The following FBN3 variants were observed in gnomAD, a reference collection of about 807,000 sequenced individuals.
The protein encoded by FBN3 is fibrillin 3, also known as fibrillin-3.
In FBN3, 234 loss-of-function variants were observed where a neutral mutation model predicts 330.1. The observed-to-expected ratio is 0.71, with a 90% confidence interval of 0.64 to 0.79. The LOEUF (loss-of-function observed/expected upper bound fraction) is 0.79, where lower values mean the gene tolerates loss of function less well. FBN3 is among the 30% of genes least tolerant of loss of function. The pLI is 0.00. For missense variants in FBN3, 3,606 were observed against 3,886.9 expected (o/e 0.93, Z 1.92); for synonymous variants, 1,458 against 1,517.3 (o/e 0.96, Z 0.91).
At chr19:8,085,123 T>C (rs1452477749) in intron 56 of FBN3, among the ~76,000 whole-genome samples, 1 of 151,572 alleles carries the variant, frequency 6.6e-6, no homozygotes, top group Non-Finnish European at 1.5e-5. Context: ...TCAGAACACA[T>C]ACACACACAT....
At position 8,091,578 on chromosome 19, in the gene FBN3, CA is replaced by C; in HGVS notation, c.5917del (p.Cys1973AlafsTer113). 6.2e-7 allele frequency: 1 copy of C among 1,614,006 alleles called. No homozygotes were observed. Among genetic ancestry groups the C allele is most frequent in the Non-Finnish European group, 8.5e-7 (1 of 1,179,936 alleles). On this transcript the variant is annotated frameshift_variant, in exon 48 of 64. Coordinates refer to ENST00000600128, the MANE Select transcript of FBN3 (RefSeq NM_032447.5). LOFTEE classifies it high-confidence loss of function. Reference protein sequence around the residue: ...QSDHCIDIDECSEEPNLCLFG... With the variant: ...QSDHCIDIDEXSEEPNLCLFG... ...GAGGCAGAGGTTGGGCTCCTCTGAGCACTCGTCGATATCTGGAAGGGCAGGG... is the reference window on the plus strand; with the variant it reads ...GAGGCAGAGGTTGGGCTCCTCTGAGCCTCGTCGATATCTGGAAGGGCAGGG...
intron 63 of FBN3, among the ~76,000 whole-genome samples, chr19:8,067,980 C>A (rs547748220): frequency 5.9e-5 from 9 of 152,046 alleles, no homozygotes; most frequent in Non-Finnish European, 1.2e-4. Context: ...GGGAGGATCC[C>A]TTGAGCCTGG....
In FBN3 at chr19:8,125,877, C is replaced by G; in HGVS notation, c.2731+15G>C. The G allele has an allele frequency of 6.3e-7, 1 of 1,598,018 alleles. No homozygotes were observed. Among genetic ancestry groups the G allele is most frequent in the South Asian group, 1.1e-5 (1 of 88,934 alleles). On this transcript the variant is annotated intron_variant, in intron 22 of 63. Coordinates refer to ENST00000600128, the MANE Select transcript of FBN3 (RefSeq NM_032447.5). ...AGAACGTGTGGCCCTGTATGCGGACCTCGCCTGGACTCACCCACGCACAGC... is the reference window on the plus strand; with the variant it reads ...AGAACGTGTGGCCCTGTATGCGGACGTCGCCTGGACTCACCCACGCACAGC...
chr19:8,129,148 C>A lies in FBN3; in HGVS notation c.2176G>T (p.Asp726Tyr). Residue 726 changes from aspartate to tyrosine, a missense_variant, in exon 18 of 64, where the codon GAT (aspartate) becomes TAT (tyrosine). Coordinates refer to ENST00000600128, the MANE Select transcript of FBN3 (RefSeq NM_032447.5). This position sits in a 1 kb window ranked among gnomAD's most constrained non-coding sequence, Gnocchi z 4.5. ...AGGAGGCTGTTGAGGGCACACTCAT[C>A]CACGTCTGTGGGGTGGGGGTGGGAG... ...GASGKDCTDV[D>Y]ECALNSLLCD... The A allele has an allele frequency of 6.2e-7, 1 of 1,612,976 alleles. No homozygotes were observed. The highest frequency in any genetic ancestry group is 8.5e-7 in the Non-Finnish European group (1 of 1,179,808).
intron 41 of FBN3, 84 bp from the exon 42 acceptor site, chr19:8,097,498 A>G: frequency 6.9e-7 from 1 of 1,451,194 alleles, no homozygotes; most frequent in Admixed American, 2.1e-5. Context: ...CTAGCCCTGC[A>G]ATCTGGTTGA....
rs767718089 is a variant in FBN3, at chr19:8,145,869, C to A, written c.419G>T (p.Gly140Val). Residue 140 changes from glycine to valine, a missense_variant, in exon 5 of 64, where the codon GGC becomes GTC. Transcript: ENST00000600128. ...CTGCCCACACACGGTGCCTGTGTAGCCCTTCTGACACAGACAGGACGCCCC... is the reference window on the plus strand; with the variant it reads ...CTGCCCACACACGGTGCCTGTGTAGACCTTCTGACACAGACAGGACGCCCC... ...CRGASCLCQKGYTGTVCGQPI... is the reference protein window; with the variant it reads ...CRGASCLCQKVYTGTVCGQPI... 2.8e-5 allele frequency: 43 copies of A among 1,551,136 alleles called. No homozygotes were observed. The highest frequency in any genetic ancestry group is 3.6e-5 in the Non-Finnish European group (41 of 1,146,960).
At chr19:8,140,293 G>A (rs943649295) in intron 8 of FBN3, among the ~76,000 whole-genome samples, 34 of 152,082 alleles carry the variant, frequency 2.2e-4, no homozygotes, top group African/African-American at 8.2e-4. Flanking sequence ...GTGAAACCCC[G>A]TCTCTACTAA....
At chr19:8,112,649 C>G (rs2082617115) in intron 30 of FBN3, among the ~76,000 whole-genome samples, 1 of 151,780 alleles carries the variant, frequency 6.6e-6, no homozygotes, top group Admixed American at 6.6e-5. Flanking sequence ...GACTCCGTCT[C>G]AAAAAAATAA....
intron 41 of FBN3, among the ~76,000 whole-genome samples, chr19:8,098,341 C>G (rs1186746597): frequency 1.3e-5 from 2 of 150,844 alleles, no homozygotes; most frequent in Admixed American, 1.3e-4. Flanking sequence ...AGGAAACAAC[C>G]TAAGTGTCAA....
At chr19:8,075,007 T>TA in intron 61 of FBN3, 64 bp downstream of exon 61, 1 of 1,542,620 alleles carries the variant, frequency 6.5e-7, no homozygotes, top group South Asian at 1.2e-5. Flanking sequence ...TGGCGTCTGT[T>TA]AGTCGCCTGC....
At chr19:8,076,479 T>C (rs4804260) in intron 59 of FBN3, among the ~76,000 whole-genome samples, 21,228 of 151,892 alleles carry the variant, frequency 0.14, 1,765 homozygotes, top group Non-Finnish European at 0.19. Flanking sequence ...CTACTAAAAA[T>C]ACAAAACAAT....
chr19:8,124,539 AT>A (rs55867844), intron 22 of FBN3, among the ~76,000 whole-genome samples: 13,652 of 132,168 alleles, frequency 0.1, 618 homozygotes, highest in Middle Eastern at 0.15. Flanking sequence ...TGCCTGGCCA[AT>A]TTTTTTTTTT....
At chr19:8,123,676 C>T in intron 23 of FBN3, 87 bp from the exon 24 acceptor site, 1 of 1,598,084 alleles carries the variant, frequency 6.3e-7, no homozygotes, top group Non-Finnish European at 8.6e-7. Context: ...AGTGCCTCGC[C>T]TTACCCACAT....
At chr19:8,135,875 G>T (rs6603148) in intron 13 of FBN3, 86 bp downstream of exon 13, 1,328,392 of 1,451,830 alleles carry the variant, frequency 0.91, 608,708 homozygotes, top group African/African-American at 0.96. Context: ...AGGTGGGTTT[G>T]GGGGCACAGT....
intron 8 of FBN3, among the ~76,000 whole-genome samples, chr19:8,141,194 C>CAAAAAAAA (rs56060033): frequency 3.1e-4 from 17 of 54,352 alleles, no homozygotes; most frequent in African/African-American, 1.3e-3. Flanking sequence ...GACTCCGTCT[C>CAAAAAAAA]AAAAAAAAAA....
chr19:8,066,552 C>G (rs546806010), intron 63 of FBN3, among the ~76,000 whole-genome samples: 67 of 152,212 alleles, frequency 4.4e-4, no homozygotes, highest in African/African-American at 1.6e-3. Context: ...AGCACAGACA[C>G]TAGGACTACT....
rs755636390 is a variant in FBN3 at position 8,072,069 on chromosome 19, G to T, written c.8067C>A (p.Arg2689=). ...NGLSPRDRPR[R]SAHRDHQVNL... is the part of the protein sequence containing the mutation. ...TCACCTGGTGGTCCCTGTGGGCACT[G>T]CGTCGTGGCCGGTCCCGAGGGGAGA... Residue 2689 remains arginine (R), a synonymous_variant, in exon 63 of 64, where the codon CGC becomes CGA. Coordinates refer to ENST00000600128, the MANE Select transcript of FBN3 (RefSeq NM_032447.5). The T allele has an allele frequency of 6.2e-7, 1 of 1,612,476 alleles. No homozygotes were observed. The highest frequency in any genetic ancestry group is 1.1e-5 in the South Asian group (1 of 91,058).
chr19:8,103,684 A>G lies in FBN3; in HGVS notation c.4817T>C (p.Ile1606Thr), dbSNP rs142068873. 1.5e-5 allele frequency: 24 copies of G among 1,613,058 alleles called. No homozygotes were observed. The highest frequency in any genetic ancestry group is 1.9e-5 in the Non-Finnish European group (22 of 1,179,348). The change falls in exon 39 of 64, where the codon ATT becomes ACT. Residue 1606 changes from isoleucine (I) to threonine (T), a missense_variant. Transcript: ENST00000600128. ...LSEHTRICED[I>T]DECSTHSGIC... is the part of the protein sequence containing the mutation. ...GCCGGAGTGTGTGGAGCATTCGTCA[A>G]TATCTGCAGGGAAAGAAGGGGTGGA...
Position 8,109,782 on chromosome 19 carries a change from G to A in FBN3, c.4334-29C>T. The A allele has an allele frequency of 1.4e-6, 2 of 1,435,534 alleles. No individual in the cohort carries two copies. The highest frequency in any genetic ancestry group is 5.2e-5 in the East Asian group (2 of 38,526). The allele number at this position is 1,435,534 out of a possible 1,614,324, so 88.9% of individuals were successfully genotyped here. On this transcript the variant is annotated intron_variant, in intron 34 of 63. Transcript: ENST00000600128. The surrounding 1 kb of genome is among the most constrained non-coding windows in gnomAD (Gnocchi z 5.2). ...TAGGGAGGAAGCGCGGTCCTCAGCA[G>A]GGAGCCCCTTCCTCGGCCCCCCTCC...
Sources: gnomAD v4.1 joint callset for allele counts (sites outside exome capture counted in the v4.1 genomes callset) on GRCh38, gnomAD v4.1.1 for gene constraint, Gnocchi (gnomAD v3.1) non-coding constraint, MANE v1.5 for transcripts, NCBI Gene and HGNC (gene_info 2026-07-23, HGNC 2026-07-21) for gene names.